Variants in CDYL observed in about 807,000 individuals in gnomAD.
The protein encoded by CDYL is chromodomain Y-like protein.
CDYL carries 8 observed loss-of-function variants against 47.3 expected under a neutral mutation model. The ratio of observed to expected loss-of-function variants is 0.17; its 90% CI spans 0.10 to 0.31. The LOEUF is 0.31. Ranked by LOEUF, CDYL falls within the 10% of genes least tolerant of loss-of-function variation. CDYL has a pLI of 1.00. For synonymous variants in CDYL, 266 were observed against 265.0 expected, an observed-to-expected ratio of 1.00 and a Z score of -0.04; for missense variants, 471 against 701.4, an observed-to-expected ratio of 0.67 and a Z score of 3.71.
At chr6:4,888,769 A>G (rs996211868) in intron 1 of CDYL, among the ~76,000 whole-genome samples, 1 of 152,158 alleles carries the variant, frequency 6.6e-6, no homozygotes, top group Non-Finnish European at 1.5e-5. Context: ...TTTCCCTCCC[A>G]TCACTGCTTT....
chr6:4,861,878 G>A (rs576216692), intron 1 of CDYL, among the ~76,000 whole-genome samples: 1 of 152,292 alleles, frequency 6.6e-6, no homozygotes, highest in Non-Finnish European at 1.5e-5. Context: ...TGATGCGCAT[G>A]GATCTGGTTA....
intron 1 of CDYL, among the ~76,000 whole-genome samples, chr6:4,810,568 A>G (rs1759499257): frequency 1.3e-5 from 2 of 152,262 alleles, no homozygotes; most frequent in Admixed American, 6.5e-5. Context: ...AATAAAATCT[A>G]CACATCTCAG....
At chr6:4,791,710 G>GA (rs775103889) in intron 1 of CDYL, among the ~76,000 whole-genome samples, 87 of 141,856 alleles carry the variant, frequency 6.1e-4, no homozygotes, top group Non-Finnish European at 9.0e-4. Flanking sequence ...ATCAAAGAAA[G>GA]AAAAAAAAAA....
At chr6:4,864,263 A>G (rs1761257563) in intron 1 of CDYL, among the ~76,000 whole-genome samples, 1 of 152,266 alleles carries the variant, frequency 6.6e-6, no homozygotes. Flanking sequence ...TCAAAAAGAA[A>G]GAAATTGAAC....
At position 4,937,751 on chromosome 6, in the gene CDYL, A is replaced by T. The variant is rs779178574; in HGVS notation, c.1121+14A>T. ...AGAAGCTATCAGGTATGTAAAAATG[A>T]TGTTTTTTAAACATTGGTTGGGTGT... is the stretch of plus-strand genomic sequence containing the variant. On this transcript the variant is annotated intron_variant, in intron 4 of 6. Coordinates refer to ENST00000397588, the MANE Select transcript of CDYL (RefSeq NM_004824.4). 10 of 1,596,678 alleles carry T rather than the reference A, an allele frequency of 6.3e-6. No homozygotes were observed. Among genetic ancestry groups the T allele is most frequent in the Non-Finnish European group, 8.5e-6 (10 of 1,173,378 alleles).
At chr6:4,876,546 T>C (rs1475096018) in intron 1 of CDYL, among the ~76,000 whole-genome samples, 1 of 152,218 alleles carries the variant, frequency 6.6e-6, no homozygotes, top group Non-Finnish European at 1.5e-5. Context: ...ATTGTGCTTC[T>C]AATTTGCATT....
intron 3 of CDYL, among the ~76,000 whole-genome samples, chr6:4,735,206 A>T (rs1457276076): frequency 6.6e-6 from 1 of 151,974 alleles, no homozygotes; most frequent in Non-Finnish European, 1.5e-5. Flanking sequence ...GAATCGCTTG[A>T]ACCCGGGAGA....
intron 2 of CDYL, among the ~76,000 whole-genome samples, chr6:4,903,811 G>A (rs1757143437): frequency 6.6e-6 from 1 of 152,186 alleles, no homozygotes; most frequent in Non-Finnish European, 1.5e-5. Context: ...CAGGTTTTGA[G>A]GCATCTTTTT....
intron 1 of CDYL, among the ~76,000 whole-genome samples, chr6:4,798,265 G>A (rs1759131809): frequency 6.6e-6 from 1 of 152,152 alleles, no homozygotes. Context: ...GAGCCACCAT[G>A]CCTTGCCAGA....
chr6:4,932,739 G>A (rs1170045961), intron 2 of CDYL, among the ~76,000 whole-genome samples: 3 of 152,180 alleles, frequency 2.0e-5, no homozygotes, highest in Non-Finnish European at 2.9e-5. Flanking sequence ...GTGTCACGTA[G>A]CCTCTGCCTG....
chr6:4,860,896 C>G (rs1761150442), intron 1 of CDYL, among the ~76,000 whole-genome samples: 1 of 151,998 alleles, frequency 6.6e-6, no homozygotes, highest in Non-Finnish European at 1.5e-5. Flanking sequence ...TAGATTGTGC[C>G]CACCAGATGA....
chr6:4,762,793 C>T (rs183957843), intron 3 of CDYL, among the ~76,000 whole-genome samples: 23 of 151,782 alleles, frequency 1.5e-4, no homozygotes, highest in African/African-American at 3.1e-4. Context: ...GATAATACAA[C>T]GCATAGGACT....
At chr6:4,872,324 CT>C (rs56242830) in intron 1 of CDYL, among the ~76,000 whole-genome samples, 75,525 of 121,280 alleles carry the variant, frequency 0.62, 24,320 homozygotes, top group East Asian at 0.81. Context: ...TTTGATTTGG[CT>C]TTTTTTTTTT....
At chr6:4,769,387 C>T (rs1159127951) in intron 3 of CDYL, among the ~76,000 whole-genome samples, 1 of 152,114 alleles carries the variant, frequency 6.6e-6, no homozygotes. Context: ...GGTATCCCTC[C>T]TACTTCTCAT....
rs562076343 is a variant in CDYL, at chr6:4,845,216, A to C, written c.25-46497A>C. Among the ~76,000 whole-genome samples the C allele has an allele frequency of 2.0e-5, 3 of 152,256 alleles. No homozygotes were observed. The South Asian group carries it at 6.2e-4, about 31-fold the overall frequency. On this transcript the variant is annotated intron_variant, in intron 1 of 6. Coordinates refer to ENST00000397588, the MANE Select transcript of CDYL (RefSeq NM_004824.4). ...TTCAAAAGCTGACTTTTCAAAAGACAGTTGTTTGTTGAAAGTTTTGATCAA... is the reference window on the plus strand; with the variant it reads ...TTCAAAAGCTGACTTTTCAAAAGACCGTTGTTTGTTGAAAGTTTTGATCAA...
chr6:4,710,642 A>G (rs757767609), intron 1 of CDYL, among the ~76,000 whole-genome samples: 4 of 152,104 alleles, frequency 2.6e-5, no homozygotes, highest in Non-Finnish European at 5.9e-5. Flanking sequence ...TTCTTCCAAC[A>G]GATGCCTCTG....
intron 3 of CDYL, among the ~76,000 whole-genome samples, chr6:4,744,917 A>G (rs754781585): frequency 2.6e-5 from 4 of 152,128 alleles, no homozygotes; most frequent in Non-Finnish European, 5.9e-5. Flanking sequence ...TTCATCACCT[A>G]TGTAATCAGT....
chr6:4,861,060 A>G (rs1183320419), intron 1 of CDYL, among the ~76,000 whole-genome samples: 1 of 152,256 alleles, frequency 6.6e-6, no homozygotes, highest in Non-Finnish European at 1.5e-5. Context: ...AAGACAGTAT[A>G]GAAAGTGAGA....
intron 3 of CDYL, among the ~76,000 whole-genome samples, chr6:4,762,549 TA>T (rs1007535798): frequency 2.6e-5 from 3 of 116,666 alleles, no homozygotes; most frequent in Admixed American, 9.7e-5. Flanking sequence ...TCAAAGAGAT[TA>T]AAAAAAAATC....
Sources: allele counts gnomAD v4.1 joint callset (sites outside exome capture counted in the v4.1 genomes callset), GRCh38; gene constraint gnomAD v4.1.1; transcripts MANE v1.5; gene names NCBI Gene and HGNC (gene_info 2026-07-23, HGNC 2026-07-21).